Variants in CCSER2 observed in about 807,000 individuals in gnomAD.
CCSER2 encodes the protein coiled-coil serine rich protein 2, also known as serine-rich coiled-coil domain-containing protein 2.
A neutral mutation model predicts 92.3 loss-of-function variants in CCSER2; 46 were observed. The ratio of observed to expected loss-of-function variants is 0.50; its 90% CI spans 0.39 to 0.64. The LOEUF (loss-of-function observed/expected upper bound fraction) is 0.64, where lower values mean the gene tolerates loss of function less well. CCSER2 is among the 30% of genes least tolerant of loss of function. CCSER2 has a pLI of 0.00. For synonymous variants in CCSER2, 433 were observed against 431.4 expected (o/e 1.00, Z -0.04); for missense variants, 1,244 against 1,238.9 (o/e 1.00, Z -0.06).
intron 9 of CCSER2, among the ~76,000 whole-genome samples, chr10:84,499,080 T>C (rs771149167): frequency 4.1e-4 from 62 of 152,218 alleles, no homozygotes; most frequent in Non-Finnish European, 7.8e-4. Context: ...TTGCTAACTT[T>C]AGCTAATGTT....
intron 1 of CCSER2, among the ~76,000 whole-genome samples, chr10:84,357,036 G>T (rs1383061887): frequency 6.6e-6 from 1 of 152,232 alleles, no homozygotes; most frequent in Non-Finnish European, 1.5e-5. Flanking sequence ...TGAGGCAGCA[G>T]ATGATTGAAA....
chr10:84,421,730 G>C (rs1843160094), intron 4 of CCSER2, among the ~76,000 whole-genome samples: 1 of 152,044 alleles, frequency 6.6e-6, no homozygotes, highest in South Asian at 2.1e-4. Context: ...TATAACAAAA[G>C]ACAGGTTAAC....
chr10:84,428,363 G>A (rs866798616), intron 5 of CCSER2, among the ~76,000 whole-genome samples: 26 of 152,270 alleles, frequency 1.7e-4, no homozygotes, highest in Middle Eastern at 3.4e-3. Context: ...GCTCCTATGA[G>A]AATCTAATGC....
chr10:84,342,219 C>G (rs1844227899), intron 1 of CCSER2, among the ~76,000 whole-genome samples: 1 of 152,130 alleles, frequency 6.6e-6, no homozygotes, highest in Non-Finnish European at 1.5e-5. Flanking sequence ...TCTGGAGATT[C>G]CATGGGTTTT....
intron 2 of CCSER2, among the ~76,000 whole-genome samples, 185 bp from the exon 3 acceptor site, chr10:84,373,428 TTCAGTA>T (rs1846171771): frequency 1.3e-5 from 2 of 151,786 alleles, no homozygotes; most frequent in African/African-American, 2.4e-5. Context: ...TAGAAAATAT[TTCAGTA>T]GGTTATTTTA....
chr10:84,508,578 G>GT (rs1374376054), intron 9 of CCSER2, among the ~76,000 whole-genome samples: 1 of 152,066 alleles, frequency 6.6e-6, no homozygotes, highest in Non-Finnish European at 1.5e-5. Context: ...TACCTCCTTT[G>GT]TAGAGAGAAG....
At chr10:84,428,861 C>T (rs910176485) in intron 5 of CCSER2, among the ~76,000 whole-genome samples, 21 of 151,590 alleles carry the variant, frequency 1.4e-4, no homozygotes, top group African/African-American at 4.8e-4. Flanking sequence ...TGGAGATAAT[C>T]TTTTTTTTCC....
At chr10:84,492,393 A>C (rs10887308) in intron 9 of CCSER2, among the ~76,000 whole-genome samples, 86,242 of 152,076 alleles carry the variant, frequency 0.57, 27,144 homozygotes, top group East Asian at 0.75. Context: ...GGGGTTTTCT[A>C]TGTTGACCAT....
intron 9 of CCSER2, chr10:84,507,353 T>G: frequency 1.0e-6 from 1 of 982,302 alleles, no homozygotes; most frequent in African/African-American, 1.7e-5. Context: ...AATTTCGGAT[T>G]TTTTCCTACC....
chr10:84,333,239 T>C (rs554216014), intron 1 of CCSER2, among the ~76,000 whole-genome samples: 1 of 152,298 alleles, frequency 6.6e-6, no homozygotes, highest in African/African-American at 2.4e-5. Flanking sequence ...CTTAGTAATC[T>C]GCTCCCACTG....
At chr10:84,369,387 G>GGTTTT (rs1564604527) in intron 1 of CCSER2, among the ~76,000 whole-genome samples, 2 of 151,672 alleles carry the variant, frequency 1.3e-5, no homozygotes, top group Admixed American at 6.6e-5. Flanking sequence ...ATCTCATTGT[G>GGTTTT]GTTTTAATTT....
chr10:84,406,446 A>G (rs2133340271), intron 3 of CCSER2, among the ~76,000 whole-genome samples: 1 of 152,292 alleles, frequency 6.6e-6, no homozygotes, highest in African/African-American at 2.4e-5. Flanking sequence ...CATTTGTCAG[A>G]AACATTTGTA....
Position 84,371,516 on chromosome 10 carries a change from G to C in CCSER2, c.464G>C (p.Gly155Ala). Residue 155 changes from glycine to alanine, a missense_variant, in exon 2 of 10, where the codon GGC becomes GCC. Physicochemically the swap from Gly to Ala is moderately conservative, Grantham distance 60 (BLOSUM62 0). Transcript: ENST00000372088. ...TCTAATTTGGGTAAATTCACCAAAG[G>C]CACATTATTAGGAAGGACTTCATAT... The part of the protein sequence containing the change: ...GPSNLGKFTK[G>A]TLLGRTSYSS... 1 of 1,613,606 alleles carries C rather than the reference G, an allele frequency of 6.2e-7. No homozygotes were observed. Among genetic ancestry groups the C allele is most frequent in the African/African-American group, 1.3e-5 (1 of 74,976 alleles).
rs1255606444 is a variant in CCSER2, at chr10:84,514,327, A to G, written c.*60A>G. ...AAACAATCTCTTCTGTAATAGCTTT[A>G]TGTGCAGCTTGCAGCTTGCTACTGT... On this transcript the variant is annotated 3_prime_UTR_variant, in exon 10 of 10. Transcript: ENST00000372088. 1.7e-6 allele frequency: 2 copies of G among 1,200,292 alleles called. No individual in the cohort carries two copies. The highest frequency in any genetic ancestry group is 2.3e-6 in the Non-Finnish European group (2 of 868,994). 74.4% of individuals were successfully genotyped at this position (1,200,292 alleles called of 1,614,324 possible). A position where few individuals can be genotyped will look rare whatever the true frequency, so the allele number is the denominator to read the frequency against.
Position 84,513,916 on chromosome 10 carries a change from G to A in CCSER2, c.2793G>A (p.Leu931=), listed in dbSNP as rs1416489818. ...TAAAGCCATCCATATTGAGTTCTTT[G>A]GTACCGCCTCCAGTTTCTGAATCAT... ...QLLKPSILSS[L]VPPPVSESSP... The change falls in exon 10 of 10, where the codon TTG becomes TTA. Residue 931 remains leucine, a synonymous_variant. Transcript: ENST00000372088. The A allele has an allele frequency of 6.5e-7, 1 of 1,536,466 alleles. No homozygotes were observed. The highest frequency in any genetic ancestry group is 2.0e-5 in the Admixed American group (1 of 50,988).
At chr10:84,341,970 C>T (rs1257167304) in intron 1 of CCSER2, among the ~76,000 whole-genome samples, 1 of 152,186 alleles carries the variant, frequency 6.6e-6, no homozygotes, top group African/African-American at 2.4e-5. Flanking sequence ...CTCTCTGAAC[C>T]CTGTCCTTTT....
chr10:84,394,597 G>A (rs189661150), intron 3 of CCSER2, among the ~76,000 whole-genome samples: 3 of 152,206 alleles, frequency 2.0e-5, no homozygotes, highest in African/African-American at 7.2e-5. Flanking sequence ...AGGAACATCA[G>A]CATTGCTGAG....
At chr10:84,377,788 C>A (rs934156383) in intron 3 of CCSER2, among the ~76,000 whole-genome samples, 1 of 152,038 alleles carries the variant, frequency 6.6e-6, no homozygotes, top group Non-Finnish European at 1.5e-5. Flanking sequence ...ATACTTCTTG[C>A]TAATGTTTTG....
chr10:84,396,591 A>G (rs1841854025), intron 3 of CCSER2, among the ~76,000 whole-genome samples: 1 of 151,970 alleles, frequency 6.6e-6, no homozygotes, highest in Non-Finnish European at 1.5e-5. Context: ...ATTTCATGTT[A>G]CTTCATAGAG....
Sources: allele counts gnomAD v4.1 joint callset (sites outside exome capture counted in the v4.1 genomes callset), GRCh38; gene constraint gnomAD v4.1.1; transcripts MANE v1.5; gene names NCBI Gene and HGNC (gene_info 2026-07-23, HGNC 2026-07-21).